Variants in SMAD6 observed in about 807,000 individuals in gnomAD.
SMAD6 encodes MAD homolog 6.
A neutral mutation model predicts 39.4 loss-of-function variants in SMAD6; 103 were observed. That is an observed-to-expected ratio of 2.62 (90% confidence interval 2.23 to 3.08). The LOEUF (loss-of-function observed/expected upper bound fraction) is 3.08. SMAD6 is among the 30% of genes most tolerant of loss of function. The probability of loss-of-function intolerance (pLI) is 0.00; values close to 1 mark genes in which losing one functional copy is unlikely to be tolerated. For synonymous variants in SMAD6, 445 were observed against 353.3 expected, an observed-to-expected ratio of 1.26 and a Z score of -2.91; for missense variants, 1,104 against 742.9, an observed-to-expected ratio of 1.49 and a Z score of -5.65.
Position 66,703,707 on chromosome 15 carries a change from T to C in SMAD6, c.449T>C (p.Leu150Pro). 4.5e-6 allele frequency: 6 copies of C among 1,344,782 alleles called. No individual in the cohort carries two copies. The highest frequency in any genetic ancestry group is 5.8e-6 in the Non-Finnish European group (6 of 1,034,820). The allele number at this position is 1,344,782 out of a possible 1,614,324, so 83.3% of individuals were successfully genotyped here. A position where few individuals can be genotyped will look rare whatever the true frequency, so the allele number is the denominator to read the frequency against. Residue 150 changes from leucine (L) to proline (P), a missense_variant, in exon 1 of 4, where the codon CTG becomes CCG. Leu to Pro is a moderately conservative substitution (Grantham distance 98). Transcript: ENST00000288840. ...AGCGACCCCCTGGCCGGGGCGGCCC[T>C]GGAGCCGGCGGGCGGCGGGCGGAGT... Reference protein sequence around the residue: ...DASDPLAGAALEPAGGGRSRE... With the variant: ...DASDPLAGAAPEPAGGGRSRE...
intron 3 of SMAD6, among the ~76,000 whole-genome samples, chr15:66,778,536 C>T (rs1305847404): frequency 6.6e-6 from 1 of 152,144 alleles, no homozygotes; most frequent in African/African-American, 2.4e-5. Flanking sequence ...CTTAGTGAGA[C>T]AGTAAAGTGA....
chr15:66,703,888 C>T lies in SMAD6; in HGVS notation c.630C>T (p.Arg210=). Residue 210 remains arginine, a synonymous_variant, in exon 1 of 4, where the codon CGC becomes CGT. Coordinates refer to ENST00000288840, the MANE Select transcript of SMAD6 (RefSeq NM_005585.5). ...GVPGGCVLVP[R]ADLRLGGQPA... ...CGGGCGGCTGCGTGCTGGTGCCGCG[C>T]GCCGACCTCCGCCTGGGCGGCCAGC... is the stretch of plus-strand genomic sequence containing the variant. 1.5e-6 allele frequency: 2 copies of T among 1,291,582 alleles called. No individual in the cohort carries two copies. Among genetic ancestry groups the T allele is most frequent in the Non-Finnish European group, 2.0e-6 (2 of 1,022,720 alleles). The allele number at this position is 1,291,582 out of a possible 1,614,324, so 80.0% of individuals were successfully genotyped here. A position where few individuals can be genotyped will look rare whatever the true frequency, so the allele number is the denominator to read the frequency against.
At chr15:66,748,404 G>T (rs1245689546) in intron 3 of SMAD6, among the ~76,000 whole-genome samples, 1 of 152,110 alleles carries the variant, frequency 6.6e-6, no homozygotes, top group Non-Finnish European at 1.5e-5. Flanking sequence ...CGCACATAAT[G>T]AACCTTTTAA....
chr15:66,765,982 C>A (rs1479631508), intron 3 of SMAD6, among the ~76,000 whole-genome samples: 1 of 152,172 alleles, frequency 6.6e-6, no homozygotes, highest in Non-Finnish European at 1.5e-5. Flanking sequence ...GAGCTGGCCC[C>A]CAGCCAGACG....
At chr15:66,763,392 T>G (rs1287662543) in intron 3 of SMAD6, among the ~76,000 whole-genome samples, 1 of 152,202 alleles carries the variant, frequency 6.6e-6, no homozygotes, top group Admixed American at 6.5e-5. Flanking sequence ...CCTGACTTGG[T>G]GCCCTTGGGG....
intron 3 of SMAD6, among the ~76,000 whole-genome samples, chr15:66,723,057 AG>A (rs1893461683): frequency 6.6e-6 from 1 of 152,166 alleles, no homozygotes; most frequent in Non-Finnish European, 1.5e-5. Context: ...ACCAGCTCCC[AG>A]GCCTTGGGGT....
chr15:66,735,406 G>A (rs767419428), intron 3 of SMAD6, among the ~76,000 whole-genome samples: 13 of 152,204 alleles, frequency 8.5e-5, no homozygotes, highest in Non-Finnish European at 1.6e-4. Context: ...CATGAAGGAT[G>A]TAGGGGGAAA....
At chr15:66,730,109 G>A (rs568629012) in intron 3 of SMAD6, among the ~76,000 whole-genome samples, 59 of 152,350 alleles carry the variant, frequency 3.9e-4, no homozygotes, top group African/African-American at 1.3e-3. Flanking sequence ...CTGATGCATG[G>A]TGTGCGGATT....
chr15:66,745,611 T>G (rs1004216463), intron 3 of SMAD6, among the ~76,000 whole-genome samples: 2 of 152,222 alleles, frequency 1.3e-5, no homozygotes, highest in African/African-American at 4.8e-5. Flanking sequence ...CTGAATCTAT[T>G]TTGTTGATGA....
intron 3 of SMAD6, among the ~76,000 whole-genome samples, chr15:66,778,259 T>A (rs1025385622): frequency 2.8e-4 from 42 of 152,088 alleles, no homozygotes; most frequent in Admixed American, 6.5e-5. Flanking sequence ...TTTTAAAAGT[T>A]TTTTTAGAGA....
At chr15:66,758,449 C>T (rs1164550616) in intron 3 of SMAD6, among the ~76,000 whole-genome samples, 2 of 152,192 alleles carry the variant, frequency 1.3e-5, no homozygotes, top group African/African-American at 2.4e-5. Flanking sequence ...CTCTCAGGGC[C>T]AGGTGTGGTG....
chr15:66,771,892 G>T (rs1894385358), intron 3 of SMAD6, among the ~76,000 whole-genome samples: 1 of 152,150 alleles, frequency 6.6e-6, no homozygotes, highest in Admixed American at 6.5e-5. Flanking sequence ...GAGTGTGGGG[G>T]AGAAACTACA....
In SMAD6 at chr15:66,781,854, T is replaced by TTATATATA. The variant is rs1047590293; in HGVS notation, c.*326_*333dup. 444 of 397,852 alleles carry TTATATATA rather than the reference T, an allele frequency of 1.1e-3. 5 individuals are homozygous for TTATATATA. In the South Asian group the frequency reaches 0.011, roughly 10 times the overall value. 24.6% of individuals were successfully genotyped at this position (397,852 alleles called of 1,614,324 possible). ...CTTCCTCCTTCCTCTTCCTTACTTT[T>TTATATATA]TATATATATATATAAAGAAAATGAT... On this transcript the variant is annotated 3_prime_UTR_variant, in exon 4 of 4. Transcript: ENST00000288840.
intron 3 of SMAD6, among the ~76,000 whole-genome samples, chr15:66,779,121 G>A: frequency 6.6e-6 from 1 of 152,158 alleles, no homozygotes; most frequent in Non-Finnish European, 1.5e-5. Flanking sequence ...GGGGAGAGGG[G>A]CACTGGAGTG....
chr15:66,764,314 G>A (rs1177505494), intron 3 of SMAD6, among the ~76,000 whole-genome samples: 1 of 149,130 alleles, frequency 6.7e-6, no homozygotes, highest in African/African-American at 2.5e-5. Flanking sequence ...TTTTTACTTC[G>A]ACCCAGCTGC....
chr15:66,761,403 G>A (rs1894196584), intron 3 of SMAD6, among the ~76,000 whole-genome samples: 1 of 152,248 alleles, frequency 6.6e-6, no homozygotes, highest in South Asian at 2.1e-4. Flanking sequence ...CTTTGCCTGA[G>A]AGTTGGTGGT....
At chr15:66,778,476 G>A (rs1436138910) in intron 3 of SMAD6, among the ~76,000 whole-genome samples, 2 of 152,186 alleles carry the variant, frequency 1.3e-5, no homozygotes, top group African/African-American at 2.4e-5. Context: ...CTGTGGCTGG[G>A]CAGCTGTCTC....
At chr15:66,733,242 C>G (rs905317748) in intron 3 of SMAD6, among the ~76,000 whole-genome samples, 1 of 152,056 alleles carries the variant, frequency 6.6e-6, no homozygotes, top group Non-Finnish European at 1.5e-5. Flanking sequence ...TCATGTGAGT[C>G]TTTTGTCTTT....
chr15:66,781,590 G>T lies in SMAD6; in HGVS notation c.*55G>T, dbSNP rs572694957. The T allele has an allele frequency of 4.1e-5, 55 of 1,356,382 alleles. No individual in the cohort carries two copies. The South Asian group carries it at 8.3e-4, about 21-fold the overall frequency. 84.0% of individuals were successfully genotyped at this position (1,356,382 alleles called of 1,614,324 possible). Reference sequence around the variant, plus strand: ...AGGCCGCGGCCACCGCCACCTGCCGGCCTCGAGAGGGGCCGATGCCCAGAG... The same window carrying T: ...AGGCCGCGGCCACCGCCACCTGCCGTCCTCGAGAGGGGCCGATGCCCAGAG... On this transcript the variant is annotated 3_prime_UTR_variant, in exon 4 of 4. Coordinates refer to ENST00000288840, the MANE Select transcript of SMAD6 (RefSeq NM_005585.5).
Sources: gnomAD v4.1 joint callset for allele counts (sites outside exome capture counted in the v4.1 genomes callset) on GRCh38, gnomAD v4.1.1 for gene constraint, MANE v1.5 for transcripts, NCBI Gene and HGNC (gene_info 2026-07-23, HGNC 2026-07-21) for gene names.